Variants in GSK3B observed in about 807,000 individuals in gnomAD.
GSK3B encodes glycogen synthase kinase-3 beta.
A neutral mutation model predicts 56.4 loss-of-function variants in GSK3B; 15 were observed. The ratio of observed to expected loss-of-function variants is 0.27; its 90% CI spans 0.18 to 0.41. The LOEUF (loss-of-function observed/expected upper bound fraction) is 0.41. GSK3B is among the 10% of genes least tolerant of loss of function. The pLI, the probability that GSK3B is intolerant of heterozygous loss-of-function variation, is 1.00. For missense variants in GSK3B, 300 were observed against 513.4 expected (o/e 0.58, Z 4.02); for synonymous variants, 181 against 188.9 (o/e 0.96, Z 0.34).
chr3:119,975,165 G>A (rs1050093742), intron 2 of GSK3B, among the ~76,000 whole-genome samples: 14 of 152,120 alleles, frequency 9.2e-5, no homozygotes, highest in Admixed American at 3.3e-4. Flanking sequence ...ATGAGCTATC[G>A]GCTGGGCACG....
intron 7 of GSK3B, among the ~76,000 whole-genome samples, chr3:119,897,233 T>A (rs1328682953): frequency 1.3e-5 from 2 of 152,192 alleles, no homozygotes; most frequent in East Asian, 3.9e-4. Context: ...ACACATACTT[T>A]TAAGTATACA....
At chr3:119,939,280 T>C (rs988683176) in intron 3 of GSK3B, among the ~76,000 whole-genome samples, 5 of 152,150 alleles carry the variant, frequency 3.3e-5, no homozygotes, top group African/African-American at 9.6e-5. Flanking sequence ...AGAACATAGA[T>C]AGCCTGTGAG....
intron 1 of GSK3B, among the ~76,000 whole-genome samples, chr3:120,004,484 G>A (rs1237310683): frequency 6.6e-6 from 1 of 152,184 alleles, no homozygotes; most frequent in African/African-American, 2.4e-5. Flanking sequence ...CCTGACCCCT[G>A]TGTAGCCTGA....
chr3:119,991,303 A>G (rs2057562281), intron 2 of GSK3B, among the ~76,000 whole-genome samples: 1 of 152,146 alleles, frequency 6.6e-6, no homozygotes, highest in Admixed American at 6.6e-5. Context: ...CAAACTGCCC[A>G]AGTTAAGATA....
chr3:119,967,390 T>TA (rs899721448), intron 2 of GSK3B, among the ~76,000 whole-genome samples: 48 of 151,916 alleles, frequency 3.2e-4, no homozygotes, highest in Admixed American at 2.6e-3. Context: ...ATCTTTTTTT[T>TA]AAAAAAAAGA....
At chr3:119,940,547 G>T (rs2057038267) in intron 3 of GSK3B, among the ~76,000 whole-genome samples, 1 of 152,206 alleles carries the variant, frequency 6.6e-6, no homozygotes. Context: ...AAGAGTGGTG[G>T]TATTAGGGAA....
At chr3:119,889,719 T>A (rs963306162) in intron 7 of GSK3B, among the ~76,000 whole-genome samples, 2 of 152,114 alleles carry the variant, frequency 1.3e-5, no homozygotes, top group African/African-American at 4.8e-5. Flanking sequence ...ACACTGAATG[T>A]AAATAGTCTA....
Position 119,951,730 on chromosome 3 carries a change from T to G in GSK3B, c.283-4379A>C, listed in dbSNP as rs1419582318. ...ACTCCTGGTGGGCAAAGCTGTTGGA[T>G]TTAGCAGATAAAGAATACAAAGCAG... On this transcript the variant is annotated intron_variant, in intron 2 of 10. Transcript: ENST00000264235. Among the ~76,000 whole-genome samples, 8 of 152,264 alleles carry G rather than the reference T, an allele frequency of 5.3e-5. No individual in the cohort carries two copies. In the East Asian group the frequency reaches 1.5e-3, roughly 29 times the overall value.
chr3:119,901,734 T>C (rs989248305), intron 7 of GSK3B, among the ~76,000 whole-genome samples: 1 of 152,034 alleles, frequency 6.6e-6, no homozygotes, highest in Non-Finnish European at 1.5e-5. Flanking sequence ...TAATTGAAAA[T>C]TATTTTGGTG....
intron 1 of GSK3B, among the ~76,000 whole-genome samples, chr3:120,091,113 G>T (rs1310679218): frequency 1.3e-5 from 2 of 152,096 alleles, no homozygotes; most frequent in Non-Finnish European, 1.5e-5. Context: ...CTGAACAAAT[G>T]ATTCAATTTG....
intron 2 of GSK3B, among the ~76,000 whole-genome samples, chr3:119,973,163 T>C (rs2107517394): frequency 1.3e-5 from 2 of 151,236 alleles, no homozygotes; most frequent in African/African-American, 4.8e-5. Context: ...GCATTATTAC[T>C]ACTACTACTA....
chr3:120,089,337 G>A (rs993239917), intron 1 of GSK3B, among the ~76,000 whole-genome samples: 2 of 152,150 alleles, frequency 1.3e-5, no homozygotes. Context: ...TGGGGAAGTC[G>A]GGTTGGGAAA....
chr3:119,870,222 A>G (rs2056234676), intron 8 of GSK3B, among the ~76,000 whole-genome samples: 1 of 152,112 alleles, frequency 6.6e-6, no homozygotes, highest in South Asian at 2.1e-4. Flanking sequence ...CATGTGGAAC[A>G]CCTCTGAACA....
chr3:120,005,904 A>G lies in GSK3B; in HGVS notation c.89-3665T>C, dbSNP rs142701554. Among the ~76,000 whole-genome samples the G allele has an allele frequency of 5.0e-3, 760 of 152,324 alleles. 7 individuals carry two copies. Among genetic ancestry groups the G allele is most frequent in the African/African-American group, 0.018 (739 of 41,568 alleles). Reference sequence around the variant, plus strand: ...AATAACCAGCTAGCATCATAATGACAGGATCAAATTCACATATAACAATAT... The same window carrying G: ...AATAACCAGCTAGCATCATAATGACGGGATCAAATTCACATATAACAATAT... On this transcript the variant is annotated intron_variant, in intron 1 of 10. Coordinates refer to ENST00000264235, the MANE Select transcript of GSK3B (RefSeq NM_001146156.2).
chr3:119,845,588 G>A (rs2055844232), intron 9 of GSK3B, among the ~76,000 whole-genome samples: 1 of 152,018 alleles, frequency 6.6e-6, no homozygotes, highest in East Asian at 1.9e-4. Flanking sequence ...AAATACCTGG[G>A]AATACAAGTT....
intron 2 of GSK3B, among the ~76,000 whole-genome samples, chr3:119,960,121 T>C (rs1261942784): frequency 8.5e-6 from 1 of 117,894 alleles, no homozygotes; most frequent in Non-Finnish European, 1.6e-5. Flanking sequence ...TGCAACAACA[T>C]GGTTGCATCC....
chr3:120,024,954 C>T (rs563162923), intron 1 of GSK3B, among the ~76,000 whole-genome samples: 20 of 152,230 alleles, frequency 1.3e-4, no homozygotes, highest in Non-Finnish European at 2.2e-4. Context: ...TCACATGAAA[C>T]GTTCAGAATA....
chr3:120,041,074 T>C (rs2058061340), intron 1 of GSK3B: 1 of 154,086 alleles, frequency 6.5e-6, no homozygotes, highest in Non-Finnish European at 1.4e-5. Flanking sequence ...GCCTCCACAG[T>C]AGGCAGAGCC....
rs201553320 is a variant in GSK3B, at chr3:120,093,690, T to C, written c.-256A>G. 2.7e-6 allele frequency: 1 copy of C among 369,266 alleles called. No homozygotes were observed. Among genetic ancestry groups the C allele is most frequent in the South Asian group, 9.9e-5 (1 of 10,104 alleles). The allele number at this position is 369,266 out of a possible 1,614,324, so 22.9% of individuals were successfully genotyped here. A position where few individuals can be genotyped will look rare whatever the true frequency, so the allele number is the denominator to read the frequency against. ...ATTTAGGACTTGGGAAAAAATACAA[T>C]TCTTTCCCCTCCCTTTCCTGGGAGG... On this transcript the variant is annotated 5_prime_UTR_variant, in exon 1 of 11. Coordinates refer to ENST00000264235, the MANE Select transcript of GSK3B (RefSeq NM_001146156.2).
Sources: gnomAD v4.1 joint callset for allele counts (sites outside exome capture counted in the v4.1 genomes callset) on GRCh38, gnomAD v4.1.1 for gene constraint, MANE v1.5 for transcripts, NCBI Gene and HGNC (gene_info 2026-07-23, HGNC 2026-07-21) for gene names.